The following SGSM3 variants were observed in gnomAD, a reference collection of about 807,000 sequenced individuals.
SGSM3 encodes RUN and SH3 containing 3.
Under a neutral mutation model 100.5 loss-of-function variants are expected in SGSM3, and 96 were observed. The observed-to-expected ratio is 0.96, with a 90% CI of 0.81 to 1.13. The LOEUF (loss-of-function observed/expected upper bound fraction) is 1.13, where lower values mean the gene tolerates loss of function less well. SGSM3 is among the 50% of genes most tolerant of loss of function. SGSM3 has a pLI of 0.00. For synonymous variants in SGSM3, 483 were observed against 422.8 expected (o/e 1.14, Z -1.75); for missense variants, 1,001 against 1,015.8 (o/e 0.99, Z 0.20).
At chr22:40,372,763 T>TA (rs1415666082) in intron 1 of SGSM3, 1 of 152,160 alleles carries the variant, frequency 6.6e-6, no homozygotes, top group African/African-American at 2.4e-5. Flanking sequence ...CTCAGAAGCT[T>TA]AAAAAAAGCT....
rs762309213 is a variant in SGSM3, at chr22:40,404,250, G to A, written c.161G>A (p.Gly54Asp). ...CTCCTTGGCTCTCTCTTGGCAGAAG[G>A]TGATGAGCCTGGCTCCAGTCTGCTG... Reference protein sequence around the residue: ...EFGFRVYKEEGDEPGSSLLAN... With the variant: ...EFGFRVYKEEDDEPGSSLLAN... The change falls in exon 5 of 22, where the codon GGT (glycine) becomes GAT (aspartate). Residue 54 changes from glycine (G) to aspartate (D), a missense_variant. Coordinates refer to ENST00000248929, the MANE Select transcript of SGSM3 (RefSeq NM_015705.6). 4 of 1,512,490 alleles carry A rather than the reference G, an allele frequency of 2.6e-6. No homozygotes were observed. The highest frequency in any genetic ancestry group is 3.5e-6 in the Non-Finnish European group (4 of 1,130,230). 93.7% of individuals were successfully genotyped at this position (1,512,490 alleles called of 1,614,324 possible). A position where few individuals can be genotyped will look rare whatever the true frequency, so the allele number is the denominator to read the frequency against.
intron 1 of SGSM3, among the ~76,000 whole-genome samples, chr22:40,383,387 A>G (rs2047896202): frequency 6.6e-6 from 1 of 151,794 alleles, no homozygotes; most frequent in African/African-American, 2.4e-5. Context: ...GAATGGCGTG[A>G]ACCTGGGAGG....
chr22:40,408,645 G>C lies in SGSM3; in HGVS notation c.1801G>C (p.Glu601Gln), dbSNP rs986697053. 11 of 1,613,970 alleles carry C rather than the reference G, an allele frequency of 6.8e-6. No individual in the cohort carries two copies. In the Admixed American group the frequency reaches 1.0e-4, roughly 15 times the overall value. The change falls in exon 17 of 22, where the codon GAG (glutamate) becomes CAG (glutamine). Residue 601 changes from glutamate (E) to glutamine (Q), a missense_variant. By Grantham distance (29) the Glu-to-Gln change is conservative. Coordinates refer to ENST00000248929, the MANE Select transcript of SGSM3 (RefSeq NM_015705.6). ...FIEEAAGREVERDFASVYSRL... is the reference protein window; with the variant it reads ...FIEEAAGREVQRDFASVYSRL... Reference sequence around the variant, plus strand: ...CCCACAGGCTGCAGGCCGGGAGGTCGAGAGAGACTTTGCCTCCGTGTATTC... The same window carrying C: ...CCCACAGGCTGCAGGCCGGGAGGTCCAGAGAGACTTTGCCTCCGTGTATTC...
At chr22:40,403,098 G>C (rs2050968030) in intron 4 of SGSM3, among the ~76,000 whole-genome samples, 1 of 152,254 alleles carries the variant, frequency 6.6e-6, no homozygotes, top group Non-Finnish European at 1.5e-5. Flanking sequence ...GTTTGGCTGG[G>C]TCAGTGGAGT....
chr22:40,392,176 A>T (rs184306214), intron 1 of SGSM3, among the ~76,000 whole-genome samples: 11 of 152,082 alleles, frequency 7.2e-5, no homozygotes, highest in African/African-American at 2.7e-4. Flanking sequence ...AATCAACCAA[A>T]ACCAGTGGGT....
chr22:40,389,459 C>T (rs2049019416), intron 1 of SGSM3, among the ~76,000 whole-genome samples: 1 of 151,146 alleles, frequency 6.6e-6, no homozygotes, highest in South Asian at 2.1e-4. Flanking sequence ...ATTAGCCGGG[C>T]GTGGTGGCGG....
intron 1 of SGSM3, among the ~76,000 whole-genome samples, chr22:40,394,444 G>A (rs1234566428): frequency 1.3e-5 from 2 of 151,920 alleles, no homozygotes; most frequent in Non-Finnish European, 1.5e-5. Context: ...TCAGGAGTTC[G>A]AGACCAGCCT....
At chr22:40,373,925 T>G (rs1179195420) in intron 1 of SGSM3, among the ~76,000 whole-genome samples, 2 of 150,994 alleles carry the variant, frequency 1.3e-5, no homozygotes, top group Admixed American at 1.3e-4. Context: ...GATAGGGTGG[T>G]TTATTTATTT....
chr22:40,405,373 C>T, intron 7 of SGSM3, 89 bp downstream of exon 7: 2 of 1,270,874 alleles, frequency 1.6e-6, no homozygotes, highest in East Asian at 2.7e-5. Context: ...GGGGCAGTAG[C>T]CCCAGGGCCT....
intron 1 of SGSM3, chr22:40,373,365 A>G (rs1410958954): frequency 1.3e-5 from 2 of 152,120 alleles, no homozygotes; most frequent in African/African-American, 4.8e-5. Context: ...TAAGAAGCAG[A>G]CTCTACATTC....
chr22:40,406,241 T>C lies in SGSM3; in HGVS notation c.960+18T>C, dbSNP rs373567798. 70 of 1,613,178 alleles carry C rather than the reference T, an allele frequency of 4.3e-5. No individual in the cohort carries two copies. Among genetic ancestry groups the C allele is most frequent in the Non-Finnish European group, 8.5e-6 (10 of 1,179,914 alleles). ...ACCTCAAGGTGCTCCACGGCCCCAC[T>C]TCAGGCTGAGGAGTAGGCACCCGAG... is the stretch of plus-strand genomic sequence containing the variant. On this transcript the variant is annotated intron_variant, in intron 9 of 21. Coordinates refer to ENST00000248929, the MANE Select transcript of SGSM3 (RefSeq NM_015705.6).
chr22:40,387,768 G>A (rs1222687179), intron 1 of SGSM3, among the ~76,000 whole-genome samples: 1 of 152,108 alleles, frequency 6.6e-6, no homozygotes, highest in African/African-American at 2.4e-5. Flanking sequence ...AATATTAGAG[G>A]AATGATCGAG....
At chr22:40,383,726 T>G (rs2047960405) in intron 1 of SGSM3, among the ~76,000 whole-genome samples, 1 of 152,056 alleles carries the variant, frequency 6.6e-6, no homozygotes. Context: ...AAAAAGAGAT[T>G]GGGGTCTATG....
chr22:40,385,934 G>A (rs951674850), intron 1 of SGSM3, among the ~76,000 whole-genome samples: 1 of 151,942 alleles, frequency 6.6e-6, no homozygotes, highest in South Asian at 2.1e-4. Context: ...CCACTGCAGC[G>A]TCGACCTCCC....
At chr22:40,409,192 G>C in intron 19 of SGSM3, 58 bp from the exon 20 acceptor site, 1 of 1,556,228 alleles carries the variant, frequency 6.4e-7, no homozygotes, top group Non-Finnish European at 8.7e-7. Context: ...TTCCACCGTG[G>C]CTGCAGCCAG....
At chr22:40,384,782 A>G (rs1193479174) in intron 1 of SGSM3, among the ~76,000 whole-genome samples, 1 of 152,106 alleles carries the variant, frequency 6.6e-6, no homozygotes, top group Non-Finnish European at 1.5e-5. Flanking sequence ...CTCCACCTCA[A>G]AAAAAAAGAA....
chr22:40,408,261 C>G lies in SGSM3; in HGVS notation c.1630-16C>G. The stretch of plus-strand genomic sequence containing the variant: ...GGCGTCAGGCAGGGCTTTCTCAGAC[C>G]CATCCCTCCCATCAGTACTCCATCG... On this transcript the variant is annotated splice_polypyrimidine_tract_variant and intron_variant, in intron 15 of 21. Coordinates refer to ENST00000248929, the MANE Select transcript of SGSM3 (RefSeq NM_015705.6). The G allele has an allele frequency of 6.2e-7, 1 of 1,612,782 alleles. No homozygotes were observed. Among genetic ancestry groups the G allele is most frequent in the Non-Finnish European group, 8.5e-7 (1 of 1,179,410 alleles).
rs747444066 is a variant in SGSM3, at chr22:40,406,694, C to T, written c.1185+32C>T. 3.9e-5 allele frequency: 60 copies of T among 1,557,568 alleles called. No homozygotes were observed. The Admixed American group carries it at 9.8e-4, about 26-fold the overall frequency. On this transcript the variant is annotated intron_variant, in intron 10 of 21. Coordinates refer to ENST00000248929, the MANE Select transcript of SGSM3 (RefSeq NM_015705.6). ...CAGGATGGGGGGCCGCACCTTGACC[C>T]ACAGCACACGGGGAGGAGGGGTCAC...
chr22:40,400,079 G>A (rs573861020), intron 1 of SGSM3, among the ~76,000 whole-genome samples: 4 of 152,214 alleles, frequency 2.6e-5, no homozygotes, highest in South Asian at 2.1e-4. Flanking sequence ...AATTCTTCCC[G>A]ATTTATCTAG....
Sources: allele counts gnomAD v4.1 joint callset (sites outside exome capture counted in the v4.1 genomes callset), GRCh38; gene constraint gnomAD v4.1.1; transcripts MANE v1.5; gene names NCBI Gene and HGNC (gene_info 2026-07-23, HGNC 2026-07-21).